Variants in VANGL2 observed in about 807,000 individuals in gnomAD.
VANGL2 encodes the protein VANGL planar cell polarity protein 2.
In VANGL2, 14 loss-of-function variants were observed where a neutral mutation model predicts 50.2. That is an observed-to-expected ratio of 0.28 (90% confidence interval 0.18 to 0.44). The LOEUF (loss-of-function observed/expected upper bound fraction) is 0.44. Ranked by LOEUF, VANGL2 falls within the 20% of genes least tolerant of loss-of-function variation. The pLI is 1.00. For synonymous variants in VANGL2, 295 were observed against 297.2 expected (o/e 0.99, Z 0.08); for missense variants, 533 against 701.5 (o/e 0.76, Z 2.71).
intron 1 of VANGL2, 127 bp from the exon 2 acceptor site, chr1:160,415,521 G>A (rs1290160948): frequency 4.6e-5 from 19 of 408,820 alleles, no homozygotes; most frequent in Non-Finnish European, 8.8e-5. Context: ...AACCTGGGTG[G>A]AGATATTCTC....
At chr1:160,424,321 C>T in intron 7 of VANGL2, 38 bp downstream of exon 7, 2 of 1,589,062 alleles carry the variant, frequency 1.3e-6, no homozygotes, top group Non-Finnish European at 1.7e-6. Context: ...TCCTCCTTCC[C>T]CAGCTCCTCT....
At chr1:160,410,522 G>C (rs962873670) in intron 1 of VANGL2, among the ~76,000 whole-genome samples, 3 of 152,136 alleles carry the variant, frequency 2.0e-5, no homozygotes, top group Non-Finnish European at 4.4e-5. Context: ...GGAGCTGCCT[G>C]CGTCTGGTCA....
chr1:160,410,239 C>G (rs1221771198), intron 1 of VANGL2, among the ~76,000 whole-genome samples: 1 of 152,146 alleles, frequency 6.6e-6, no homozygotes, highest in Non-Finnish European at 1.5e-5. Context: ...GGCTGGAAGT[C>G]TTTTAAAAAT....
chr1:160,425,499 T>A lies in VANGL2; in HGVS notation c.*121T>A. Reference sequence around the variant, plus strand: ...CTTCTTCTTGCTCTTTTTTTTTTACTTGAATTAACGCACCCCCACCTTCTC... The same window carrying A: ...CTTCTTCTTGCTCTTTTTTTTTTACATGAATTAACGCACCCCCACCTTCTC... On this transcript the variant is annotated 3_prime_UTR_variant, in exon 8 of 8. Transcript: ENST00000368061. The A allele has an allele frequency of 1.1e-6, 1 of 890,410 alleles. No homozygotes were observed. The highest frequency in any genetic ancestry group is 1.8e-5 in the African/African-American group (1 of 56,852). 55.2% of individuals were successfully genotyped at this position (890,410 alleles called of 1,614,324 possible). A position where few individuals can be genotyped will look rare whatever the true frequency, so the allele number is the denominator to read the frequency against.
At position 160,425,216 on chromosome 1, in the gene VANGL2, G is replaced by A. The variant is rs765147740; in HGVS notation, c.1404G>A (p.Val468=). 1 of 1,614,054 alleles carries A rather than the reference G, an allele frequency of 6.2e-7. No individual in the cohort carries two copies. Among genetic ancestry groups the A allele is most frequent in the Non-Finnish European group, 8.5e-7 (1 of 1,180,034 alleles). ...KQWTLVSEEP[V]TNGLKDGIVF... ...GGACATTGGTGAGCGAGGAGCCGGT[G>A]ACCAACGGCCTCAAGGATGGCATCG... The change falls in exon 8 of 8, where the codon GTG becomes GTA. Residue 468 remains valine, a synonymous_variant. Coordinates refer to ENST00000368061, the MANE Select transcript of VANGL2 (RefSeq NM_020335.3).
intron 1 of VANGL2, among the ~76,000 whole-genome samples, chr1:160,407,656 C>T (rs948867452): frequency 6.6e-6 from 1 of 152,200 alleles, no homozygotes; most frequent in Non-Finnish European, 1.5e-5. Flanking sequence ...GAGCAGCAGG[C>T]TAGGAAGAGG....
intron 1 of VANGL2, among the ~76,000 whole-genome samples, chr1:160,413,368 C>T (rs1440769056): frequency 1.3e-5 from 2 of 151,486 alleles, no homozygotes; most frequent in East Asian, 1.9e-4. Context: ...GCAACCTCCA[C>T]CTCCCAGGTT....
intron 1 of VANGL2, among the ~76,000 whole-genome samples, chr1:160,403,408 C>A (rs1650549416): frequency 6.6e-6 from 1 of 152,198 alleles, no homozygotes; most frequent in East Asian, 1.9e-4. Flanking sequence ...GCCACGTTGG[C>A]CCCTCCTCAC....
At chr1:160,408,227 G>A (rs1650752193) in intron 1 of VANGL2, among the ~76,000 whole-genome samples, 1 of 152,032 alleles carries the variant, frequency 6.6e-6, no homozygotes, top group South Asian at 2.1e-4. Flanking sequence ...GCCAGGGTGG[G>A]TGGAGCTGGG....
chr1:160,425,427 TGGGA>T lies in VANGL2; in HGVS notation c.*53_*56del. 8 of 160,100 alleles carry T rather than the reference TGGGA, an allele frequency of 5.0e-5. No individual in the cohort carries two copies. The highest frequency in any genetic ancestry group is 1.2e-4 in the East Asian group (1 of 8,504). 9.9% of individuals were successfully genotyped at this position (160,100 alleles called of 1,614,324 possible). On this transcript the variant is annotated 3_prime_UTR_variant, in exon 8 of 8. Coordinates refer to ENST00000368061, the MANE Select transcript of VANGL2 (RefSeq NM_020335.3). ...GAAACTCTGGGGGGTCCTGAGGGGG[TGGGA>T]GGGGGCTTGGTTCTCAGGCCCAGCC...
At position 160,425,821 on chromosome 1, in the gene VANGL2, T is replaced by G. The variant is rs1651434460; in HGVS notation, c.*443T>G. On this transcript the variant is annotated 3_prime_UTR_variant, in exon 8 of 8. Transcript: ENST00000368061. ...AGGGTTTCTCTGGGGCACATGGACA[T>G]GACTCCAGAGAGCCACAGTGCCAAA... 1 of 162,598 alleles carries G rather than the reference T, an allele frequency of 6.2e-6. No homozygotes were observed. Among genetic ancestry groups the G allele is most frequent in the Non-Finnish European group, 1.4e-5 (1 of 73,702 alleles). 10.1% of individuals were successfully genotyped at this position (162,598 alleles called of 1,614,324 possible).
chr1:160,409,118 C>A (rs1219731995), intron 1 of VANGL2, among the ~76,000 whole-genome samples: 1 of 152,188 alleles, frequency 6.6e-6, no homozygotes, highest in African/African-American at 2.4e-5. Context: ...GGGGGCAGGA[C>A]GGAGTCAGCA....
intron 1 of VANGL2, among the ~76,000 whole-genome samples, chr1:160,411,514 C>T (rs929571786): frequency 4.6e-5 from 7 of 152,136 alleles, no homozygotes; most frequent in African/African-American, 1.7e-4. Flanking sequence ...CTCCTCCCTC[C>T]TCCCAGGCCC....
chr1:160,409,488 T>C (rs922328821), intron 1 of VANGL2, among the ~76,000 whole-genome samples: 4 of 152,078 alleles, frequency 2.6e-5, no homozygotes, highest in African/African-American at 7.2e-5. Context: ...GTCAGGGGAA[T>C]GATATGGGCA....
At chr1:160,418,343 G>A (rs1008935568) in intron 3 of VANGL2, among the ~76,000 whole-genome samples, 2 of 152,126 alleles carry the variant, frequency 1.3e-5, no homozygotes, top group Admixed American at 6.5e-5. Flanking sequence ...CCCAGGTGAT[G>A]TCCACACCGC....
chr1:160,417,709 A>C (rs1464059220), intron 3 of VANGL2, among the ~76,000 whole-genome samples: 2 of 152,196 alleles, frequency 1.3e-5, no homozygotes, highest in African/African-American at 4.8e-5. Context: ...CCAGCACTGC[A>C]GCGTGGCCTG....
chr1:160,425,028 C>T lies in VANGL2; in HGVS notation c.1306-90C>T. On this transcript the variant is annotated intron_variant, in intron 7 of 7. Coordinates refer to ENST00000368061, the MANE Select transcript of VANGL2 (RefSeq NM_020335.3). ...ATGCATAGAGTGAGCTCAGGGACGT[C>T]CTTCTTGTCTTTGGAAACTATGACC... 2.5e-6 allele frequency: 4 copies of T among 1,596,142 alleles called. No individual in the cohort carries two copies. In the South Asian group the frequency reaches 4.5e-5, roughly 18 times the overall value.
At chr1:160,424,404 C>G in intron 7 of VANGL2, 121 bp downstream of exon 7, 1 of 987,812 alleles carries the variant, frequency 1.0e-6, no homozygotes, top group Non-Finnish European at 1.6e-6. Context: ...CTCTCCTCAC[C>G]ACCTCCTTTT....
In VANGL2 at chr1:160,415,912, G is replaced by A. The variant is rs758266563; in HGVS notation, c.71+4G>A. Reference sequence around the variant, plus strand: ...CCCGCAGCTCCCGCAAGCACAGGTGGGCAGGCATGCAGGGTGACATGCGTG... The same window carrying A: ...CCCGCAGCTCCCGCAAGCACAGGTGAGCAGGCATGCAGGGTGACATGCGTG... On this transcript the variant is annotated splice_donor_region_variant and intron_variant, in intron 2 of 7. Coordinates refer to ENST00000368061, the MANE Select transcript of VANGL2 (RefSeq NM_020335.3). 1.2e-6 allele frequency: 2 copies of A among 1,614,208 alleles called. No individual in the cohort carries two copies. Among genetic ancestry groups the A allele is most frequent in the Non-Finnish European group, 1.7e-6 (2 of 1,180,032 alleles).
Sources: allele counts gnomAD v4.1 joint callset (sites outside exome capture counted in the v4.1 genomes callset), GRCh38; gene constraint gnomAD v4.1.1; transcripts MANE v1.5; gene names NCBI Gene and HGNC (gene_info 2026-07-23, HGNC 2026-07-21).